Variants in DLG2 observed in about 807,000 individuals in gnomAD.
DLG2 encodes discs large MAGUK scaffold protein 2.
DLG2 carries 45 observed loss-of-function variants against 132.5 expected under a neutral mutation model. The observed-to-expected ratio is 0.34, with a 90% CI of 0.27 to 0.44. The LOEUF is 0.44. Among genes scored for constraint, DLG2 ranks in the 20% least tolerant of loss-of-function variants. DLG2 has a pLI of 1.00. For synonymous variants in DLG2, 424 were observed against 419.6 expected, an observed-to-expected ratio of 1.01 and a Z score of -0.13; for missense variants, 1,045 against 1,196.9, an observed-to-expected ratio of 0.87 and a Z score of 1.87.
chr11:84,642,856 T>C (rs2099669525), intron 6 of DLG2, among the ~76,000 whole-genome samples: 1 of 152,238 alleles, frequency 6.6e-6, no homozygotes, highest in Non-Finnish European at 1.5e-5. Flanking sequence ...CTTTTATTTT[T>C]CTATCAAGAA....
chr11:83,608,596 A>T (rs1311317147), intron 19 of DLG2, among the ~76,000 whole-genome samples: 1 of 152,148 alleles, frequency 6.6e-6, no homozygotes, highest in Non-Finnish European at 1.5e-5. Context: ...TTAAACTACA[A>T]TTTCTGGTAA....
intron 5 of DLG2, among the ~76,000 whole-genome samples, chr11:85,153,489 A>C (rs2077398292): frequency 6.6e-6 from 1 of 152,100 alleles, no homozygotes; most frequent in Non-Finnish European, 1.5e-5. Context: ...AGCTGATTAC[A>C]ATTTTCATTG....
intron 4 of DLG2, among the ~76,000 whole-genome samples, chr11:85,201,636 C>T (rs925518364): frequency 2.0e-5 from 3 of 152,032 alleles, no homozygotes; most frequent in African/African-American, 7.2e-5. Context: ...AGTACAGGCA[C>T]AAAAAAGACT....
chr11:85,191,156 ACGCG>A lies in DLG2; in HGVS notation c.187-36509_187-36506del, dbSNP rs139579513. Among the ~76,000 whole-genome samples the A allele has an allele frequency of 2.3e-3, 270 of 119,120 alleles. 1 individual carries two copies. Among genetic ancestry groups the A allele is most frequent in the South Asian group, 5.0e-3 (17 of 3,400 alleles). 78.1% of individuals were successfully genotyped at this position (119,120 alleles called of 152,430 possible). ...TGTCTATATGCATGCGCGCGCGCGC[ACGCG>A]CGCACACACACACACACACACACAC... On this transcript the variant is annotated intron_variant, in intron 4 of 27. Transcript: ENST00000376104.
intron 7 of DLG2, among the ~76,000 whole-genome samples, chr11:84,331,013 T>A (rs2098455971): frequency 6.6e-6 from 1 of 152,192 alleles, no homozygotes; most frequent in Non-Finnish European, 1.5e-5. Context: ...TTTTGAGAGG[T>A]CTGATGGAAA....
intron 6 of DLG2, among the ~76,000 whole-genome samples, chr11:84,644,789 T>C (rs2099672577): frequency 6.6e-6 from 1 of 151,528 alleles, no homozygotes; most frequent in African/African-American, 2.4e-5. Flanking sequence ...TGTGGGAAAC[T>C]AATAATTCCT....
rs187856993 is a variant in DLG2, at chr11:84,274,770, C to T, written c.520-23479G>A. ...GAAATTGTTTTTCCTTAGTACTTCACGAGCACACACCATAAGGCTATTGCC... is the reference window on the plus strand; with the variant it reads ...GAAATTGTTTTTCCTTAGTACTTCATGAGCACACACCATAAGGCTATTGCC... On this transcript the variant is annotated intron_variant, in intron 7 of 27. Transcript: ENST00000376104. Among the ~76,000 whole-genome samples the T allele has an allele frequency of 1.7e-3, 253 of 152,264 alleles. 3 individuals carry two copies. Among genetic ancestry groups the T allele is most frequent in the Admixed American group, 2.5e-3 (39 of 15,306 alleles).
intron 6 of DLG2, among the ~76,000 whole-genome samples, chr11:84,787,939 C>CAA (rs35771669): frequency 0.11 from 15,299 of 140,804 alleles, 971 homozygotes; most frequent in African/African-American, 0.13. Context: ...TCTCTACTTA[C>CAA]AAAAAAAAAA....
chr11:84,012,317 T>A (rs2094931686), intron 11 of DLG2, among the ~76,000 whole-genome samples: 1 of 152,102 alleles, frequency 6.6e-6, no homozygotes, highest in Admixed American at 6.6e-5. Flanking sequence ...GAAATACAGA[T>A]CCTGATTTTT....
intron 3 of DLG2, among the ~76,000 whole-genome samples, chr11:85,429,521 C>CAA (rs1310482888): frequency 7.9e-5 from 12 of 152,050 alleles, no homozygotes; most frequent in African/African-American, 2.9e-4. Flanking sequence ...AAGAAAAAAA[C>CAA]ACAACCCCAC....
intron 7 of DLG2, among the ~76,000 whole-genome samples, chr11:84,411,134 C>T (rs1021070811): frequency 2.0e-5 from 3 of 152,144 alleles, no homozygotes; most frequent in Non-Finnish European, 4.4e-5. Context: ...TGTGGAAAAA[C>T]ATACACCCTG....
At chr11:84,246,758 A>C (rs182286161) in intron 8 of DLG2, among the ~76,000 whole-genome samples, 83 of 152,326 alleles carry the variant, frequency 5.4e-4, no homozygotes, top group African/African-American at 1.9e-3. Context: ...AGCTTCAGGC[A>C]TCCACCAGGA....
At chr11:84,858,636 T>C (rs753936029) in intron 6 of DLG2, among the ~76,000 whole-genome samples, 5 of 152,118 alleles carry the variant, frequency 3.3e-5, no homozygotes, top group Non-Finnish European at 5.9e-5. Context: ...TGTGAATTAA[T>C]TAACACATGA....
At chr11:84,753,033 T>A (rs2153836376) in intron 6 of DLG2, among the ~76,000 whole-genome samples, 1 of 152,246 alleles carries the variant, frequency 6.6e-6, no homozygotes, top group African/African-American at 2.4e-5. Context: ...GAAGGGGTAT[T>A]TGAACAGAGA....
intron 8 of DLG2, among the ~76,000 whole-genome samples, chr11:84,209,700 A>G (rs2096725519): frequency 6.6e-6 from 1 of 152,216 alleles, no homozygotes; most frequent in Non-Finnish European, 1.5e-5. Flanking sequence ...TAAACAATAA[A>G]CACATGAAAA....
rs149167329 is a variant in DLG2, at chr11:84,316,586, T to G, written c.520-65295A>C. Among the ~76,000 whole-genome samples the G allele has an allele frequency of 5.2e-3, 794 of 152,206 alleles. 12 individuals are homozygous for G. Among genetic ancestry groups the G allele is most frequent in the African/African-American group, 0.016 (676 of 41,530 alleles). The stretch of plus-strand genomic sequence containing the variant: ...ATAAAAAATAATATAACCTGAGGAC[T>G]AGAGAAGTTGAAGAAAAGTCAGTGA... On this transcript the variant is annotated intron_variant, in intron 7 of 27. Transcript: ENST00000376104.
At chr11:83,588,915 T>G (rs1287525678) in intron 19 of DLG2, among the ~76,000 whole-genome samples, 2 of 149,710 alleles carry the variant, frequency 1.3e-5, no homozygotes, top group African/African-American at 4.9e-5. Context: ...ATGAATGAAA[T>G]GAAGTGAGAA....
intron 19 of DLG2, among the ~76,000 whole-genome samples, chr11:83,597,930 G>C (rs920319830): frequency 1.3e-5 from 2 of 152,114 alleles, no homozygotes; most frequent in South Asian, 2.1e-4. Flanking sequence ...TCTTAAGAAG[G>C]CCAATATTAT....
At chr11:83,495,819 C>T (rs879914358) in intron 21 of DLG2, among the ~76,000 whole-genome samples, 5 of 152,122 alleles carry the variant, frequency 3.3e-5, no homozygotes, top group Non-Finnish European at 5.9e-5. Context: ...TCATACCAAA[C>T]ACCAAAATTA....
Sources: gnomAD v4.1 joint callset for allele counts (sites outside exome capture counted in the v4.1 genomes callset) on GRCh38, gnomAD v4.1.1 for gene constraint, MANE v1.5 for transcripts, NCBI Gene and HGNC (gene_info 2026-07-23, HGNC 2026-07-21) for gene names.